CCDC150: variants seen among roughly 807,000 people sequenced by gnomAD.
The protein encoded by CCDC150 is coiled-coil domain-containing protein 150.
CCDC150 carries 151 observed loss-of-function variants against 156.5 expected under a neutral mutation model. The observed-to-expected ratio is 0.97, with a 90% CI of 0.85 to 1.10. The LOEUF is 1.10. Ranked by LOEUF, CCDC150 falls within the 50% of genes least tolerant of loss-of-function variation. CCDC150 has a pLI of 0.00. For synonymous variants in CCDC150, 452 were observed against 429.4 expected (o/e 1.05, Z -0.65); for missense variants, 1,312 against 1,268.1 (o/e 1.03, Z -0.53).
At chr2:196,671,276 T>C (rs1694183041) in intron 8 of CCDC150, among the ~76,000 whole-genome samples, 1 of 152,134 alleles carries the variant, frequency 6.6e-6, no homozygotes, top group Non-Finnish European at 1.5e-5. Flanking sequence ...TTTTACTGTC[T>C]CCATAGATTT....
At chr2:196,731,648 G>C (rs931299324) in intron 26 of CCDC150, among the ~76,000 whole-genome samples, 2 of 151,994 alleles carry the variant, frequency 1.3e-5, no homozygotes, top group African/African-American at 4.8e-5. Context: ...GCCTCCCAAA[G>C]TGCTGTGATT....
chr2:196,716,755 T>C (rs1575947150), intron 17 of CCDC150, among the ~76,000 whole-genome samples: 3 of 152,262 alleles, frequency 2.0e-5, no homozygotes, highest in East Asian at 3.9e-4. Flanking sequence ...GTGTAGCTTA[T>C]TGTATATCAG....
intron 23 of CCDC150, 38 bp from the exon 24 acceptor site, chr2:196,729,755 C>A: frequency 7.2e-7 from 1 of 1,389,466 alleles, no homozygotes; most frequent in Middle Eastern, 2.3e-4. Context: ...AGTTTTTCCA[C>A]TGATCATCTT....
intron 2 of CCDC150, among the ~76,000 whole-genome samples, chr2:196,654,957 C>T (rs1270312699): frequency 6.6e-6 from 1 of 152,074 alleles, no homozygotes; most frequent in Non-Finnish European, 1.5e-5. Flanking sequence ...TTTGGTGGCC[C>T]CAGAAGGTTA....
At position 196,646,321 on chromosome 2, in the gene CCDC150, G is replaced by A; in HGVS notation, c.13-20G>A. 1.9e-6 allele frequency: 3 copies of A among 1,612,050 alleles called. No individual in the cohort carries two copies. Among genetic ancestry groups the A allele is most frequent in the Non-Finnish European group, 2.5e-6 (3 of 1,178,296 alleles). On this transcript the variant is annotated intron_variant, in intron 1 of 27. Transcript: ENST00000389175. ...ACAATAATAGGACCTACCACACTAA[G>A]ATTGTGACTGTATTCTTAGGTACAT... is the stretch of plus-strand genomic sequence containing the variant.
At chr2:196,676,938 G>A (rs142338052) in intron 12 of CCDC150, among the ~76,000 whole-genome samples, 11 of 152,308 alleles carry the variant, frequency 7.2e-5, no homozygotes, top group African/African-American at 1.7e-4. Context: ...CTTATCCGGC[G>A]TTAGTGAATG....
chr2:196,719,394 G>C (rs779271800), intron 18 of CCDC150, 103 bp from the exon 19 acceptor site: 84 of 864,714 alleles, frequency 9.7e-5, no homozygotes, highest in Non-Finnish European at 1.4e-4. Context: ...TACTGTGTCT[G>C]CTTGTCTGCT....
At position 196,705,517 on chromosome 2, in the gene CCDC150, A is replaced by T. The variant is rs1324329824; in HGVS notation, c.1695+4337A>T. Among the ~76,000 whole-genome samples the T allele has an allele frequency of 2.0e-5, 3 of 152,116 alleles. No homozygotes were observed. The East Asian group carries it at 5.8e-4, about 29-fold the overall frequency. ...TAGGTTGCCTGTTCACTCTCATGGT[A>T]GTTAGTTTATTTTGCTATGCAGAAG... On this transcript the variant is annotated intron_variant, in intron 15 of 27. Transcript: ENST00000389175.
chr2:196,698,316 C>T (rs1174234959), intron 14 of CCDC150, among the ~76,000 whole-genome samples: 1 of 152,034 alleles, frequency 6.6e-6, no homozygotes, highest in African/African-American at 2.4e-5. Context: ...TGATTTTGCT[C>T]AATTTTCGTT....
chr2:196,656,796 T>C lies in CCDC150; in HGVS notation c.340T>C (p.Leu114=). 1 of 1,613,880 alleles carries C rather than the reference T, an allele frequency of 6.2e-7. No individual in the cohort carries two copies. Among genetic ancestry groups the C allele is most frequent in the Non-Finnish European group, 8.5e-7 (1 of 1,179,840 alleles). The stretch of plus-strand genomic sequence containing the variant: ...CCGTCTTGAAAGCCTCATGCAGTCC[T>C]TGAAGATGAACATCTTTCGGCTGCA... ...MCRLESLMQS[L]KMNIFRLQTE... Residue 114 remains leucine, a synonymous_variant, in exon 3 of 28, where the codon TTG becomes CTG. Transcript: ENST00000389175.
chr2:196,672,782 T>C (rs1694282760), intron 9 of CCDC150, among the ~76,000 whole-genome samples: 1 of 152,208 alleles, frequency 6.6e-6, no homozygotes, highest in Admixed American at 6.5e-5. Flanking sequence ...CTATGTCTTA[T>C]ACTTTCTTTG....
At chr2:196,646,619 T>C in intron 2 of CCDC150, 115 bp downstream of exon 2, 1 of 763,772 alleles carries the variant, frequency 1.3e-6, no homozygotes, top group Non-Finnish European at 2.2e-6. Flanking sequence ...GAAATAATTT[T>C]CATTTGAGCA....
chr2:196,720,511 C>A lies in CCDC150; in HGVS notation c.2166-64C>A. 2.2e-6 allele frequency: 3 copies of A among 1,354,830 alleles called. 1 individual carries two copies. Among genetic ancestry groups the A allele is most frequent in the Middle Eastern group, 3.6e-4 (2 of 5,498 alleles). The allele number at this position is 1,354,830 out of a possible 1,614,324, so 83.9% of individuals were successfully genotyped here. On this transcript the variant is annotated intron_variant, in intron 19 of 27. Transcript: ENST00000389175. ...TAGAAGAAAAGTGTTCTGTAACTCC[C>A]AAATGGTATCATTCCTACACGATTC...
chr2:196,645,492 G>A (rs1190315967), intron 1 of CCDC150, among the ~76,000 whole-genome samples: 1 of 152,214 alleles, frequency 6.6e-6, no homozygotes, highest in African/African-American at 2.4e-5. Flanking sequence ...AAGGCTTACA[G>A]CATGATTAGT....
rs936049349 is a variant in CCDC150, at chr2:196,702,376, T to TGTGTGTGA, written c.1695+1197_1695+1198insTGTGTGAG. Among the ~76,000 whole-genome samples the TGTGTGTGA allele has an allele frequency of 1.0e-4, 15 of 149,536 alleles. No homozygotes were observed. In the East Asian group the frequency reaches 1.8e-3, roughly 17 times the overall value. On this transcript the variant is annotated intron_variant, in intron 15 of 27. Transcript: ENST00000389175. ...GTGTGTGTGTGTGTGTGTGTGTGTG[T>TGTGTGTGA]GAGATGAGGTCTCACTCTCTCATCC...
chr2:196,702,885 A>G (rs573380820), intron 15 of CCDC150, among the ~76,000 whole-genome samples: 41 of 152,194 alleles, frequency 2.7e-4, no homozygotes, highest in African/African-American at 9.9e-4. Context: ...ATCTGTGAAC[A>G]CCTCATGCTG....
chr2:196,646,966 C>A (rs10427216), intron 2 of CCDC150, among the ~76,000 whole-genome samples: 20,389 of 151,962 alleles, frequency 0.13, 1,493 homozygotes, highest in Middle Eastern at 0.19. Flanking sequence ...TACTAAAAAA[C>A]AATTTTTTTC....
At chr2:196,712,115 A>AT (rs1192249087) in intron 15 of CCDC150, 30 bp from the exon 16 acceptor site, 36 of 1,123,238 alleles carry the variant, frequency 3.2e-5, no homozygotes, top group South Asian at 9.5e-5. Context: ...ATTTTTTAAA[A>AT]TTTTTTTTGT....
intron 2 of CCDC150, among the ~76,000 whole-genome samples, chr2:196,650,569 TTTTC>T (rs1692818236): frequency 6.6e-6 from 1 of 152,184 alleles, no homozygotes; most frequent in Admixed American, 6.5e-5. Flanking sequence ...AATTTTTGTA[TTTTC>T]AATAAAGACA....
Sources: gnomAD v4.1 joint callset for allele counts (sites outside exome capture counted in the v4.1 genomes callset) on GRCh38, gnomAD v4.1.1 for gene constraint, MANE v1.5 for transcripts, NCBI Gene and HGNC (gene_info 2026-07-23, HGNC 2026-07-21) for gene names.